SEMA3D: variants seen among roughly 807,000 people sequenced by gnomAD.
SEMA3D encodes the protein semaphorin 3D, also known as semaphorin-3D.
A neutral mutation model predicts 100.1 loss-of-function variants in SEMA3D; 84 were observed. The ratio of observed to expected loss-of-function variants is 0.84; its 90% CI spans 0.70 to 1.01. SEMA3D has a LOEUF of 1.01. Ranked by LOEUF, SEMA3D falls within the 50% of genes least tolerant of loss-of-function variation. The pLI is 0.00. For missense variants in SEMA3D, 875 were observed against 934.1 expected (o/e 0.94, Z 0.82); for synonymous variants, 312 against 320.7 (o/e 0.97, Z 0.29).
the SEMA3D span, among the ~76,000 whole-genome samples, chr7:85,220,817 A>C: frequency 1.3e-5 from 2 of 152,144 alleles, no homozygotes; most frequent in South Asian, 4.1e-4. Flanking sequence ...ATCCAAACAG[A>C]GTTATCTCTT....
the SEMA3D span, among the ~76,000 whole-genome samples, chr7:85,205,984 C>T: frequency 6.6e-6 from 1 of 152,100 alleles, no homozygotes; most frequent in African/African-American, 2.4e-5. Context: ...CCTGCTGTGA[C>T]ATTCTGACCT....
intron 1 of SEMA3D, among the ~76,000 whole-genome samples, chr7:85,186,262 G>A (rs1038948888): frequency 6.6e-6 from 1 of 152,174 alleles, no homozygotes; most frequent in Non-Finnish European, 1.5e-5. Flanking sequence ...TGCAGCCTGC[G>A]GAAGCCGGGG....
chr7:85,227,113 C>T, the SEMA3D span, among the ~76,000 whole-genome samples: 1 of 151,996 alleles, frequency 6.6e-6, no homozygotes, highest in Non-Finnish European at 1.5e-5. Flanking sequence ...ATATTTTTTG[C>T]TGAATAGTAT....
rs10251889 is a variant in SEMA3D, at chr7:85,063,115, T to C, written c.718+2309A>G. ...TCCCGATATGATTTAATTTTATCCT[T>C]ATAACGCCCTGTGAATAGATTCTAT... On this transcript the variant is annotated intron_variant, in intron 8 of 18. Coordinates refer to ENST00000284136, the MANE Select transcript of SEMA3D (RefSeq NM_001384900.1). Among the ~76,000 whole-genome samples the C allele has an allele frequency of 2.6e-3, 402 of 152,298 alleles. 3 individuals carry two copies. The highest frequency in any genetic ancestry group is 9.2e-3 in the African/African-American group (383 of 41,566).
At chr7:85,234,919 A>G in the SEMA3D span, among the ~76,000 whole-genome samples, 1 of 152,194 alleles carries the variant, frequency 6.6e-6, no homozygotes, top group Admixed American at 6.5e-5. Flanking sequence ...GGCTTTCTCA[A>G]CCAGGGCTGG....
At chr7:85,043,950 C>T (rs1016703857) in intron 9 of SEMA3D, among the ~76,000 whole-genome samples, 4 of 152,068 alleles carry the variant, frequency 2.6e-5, no homozygotes, top group Admixed American at 2.6e-4. Context: ...CACCTGTGAA[C>T]ACTGAATAAG....
chr7:85,023,952 G>A (rs1790323364), intron 12 of SEMA3D, among the ~76,000 whole-genome samples: 2 of 151,820 alleles, frequency 1.3e-5, no homozygotes, highest in South Asian at 4.1e-4. Flanking sequence ...TTAGTTATTT[G>A]TCCCAGGTCT....
At chr7:85,040,075 T>A (rs1394107129) in intron 11 of SEMA3D, among the ~76,000 whole-genome samples, 2 of 150,768 alleles carry the variant, frequency 1.3e-5, no homozygotes, top group East Asian at 3.9e-4. Context: ...CTTCCAGGCT[T>A]AAACAATCCT....
the SEMA3D span, among the ~76,000 whole-genome samples, chr7:85,231,664 A>G: frequency 7.2e-5 from 11 of 151,904 alleles, no homozygotes; most frequent in South Asian, 2.1e-4. Context: ...GTTAGCCAGG[A>G]TGGTCTCGAT....
At chr7:85,225,462 C>A in the SEMA3D span, among the ~76,000 whole-genome samples, 3 of 151,708 alleles carry the variant, frequency 2.0e-5, no homozygotes, top group Admixed American at 2.0e-4. Flanking sequence ...ATGAGGAGGT[C>A]TTCCAGGTGG....
upstream of SEMA3D, among the ~76,000 whole-genome samples, chr7:85,188,113 A>C (rs1294430411): frequency 6.6e-6 from 1 of 152,244 alleles, no homozygotes; most frequent in Non-Finnish European, 1.5e-5. Context: ...GAACAGACAA[A>C]TGCAGTAATG....
intron 12 of SEMA3D, among the ~76,000 whole-genome samples, chr7:85,023,210 C>T (rs1430987055): frequency 2.0e-5 from 3 of 151,890 alleles, no homozygotes; most frequent in Non-Finnish European, 2.9e-5. Flanking sequence ...ATACTTCTTT[C>T]TAAAATTGCC....
the SEMA3D span, among the ~76,000 whole-genome samples, chr7:85,197,826 C>T: frequency 6.6e-6 from 1 of 152,080 alleles, no homozygotes; most frequent in African/African-American, 2.4e-5. Flanking sequence ...ATGTTCATGG[C>T]AACACTCTCT....
At chr7:85,234,904 G>A in the SEMA3D span, among the ~76,000 whole-genome samples, 1 of 152,184 alleles carries the variant, frequency 6.6e-6, no homozygotes, top group Non-Finnish European at 1.5e-5. Flanking sequence ...ATATGTCTAA[G>A]CACAGGCTTT....
the SEMA3D span, among the ~76,000 whole-genome samples, chr7:85,220,207 G>T: frequency 6.6e-6 from 1 of 151,806 alleles, no homozygotes; most frequent in African/African-American, 2.4e-5. Flanking sequence ...ATGTGTTGTC[G>T]CTGTGTCTCT....
At chr7:85,171,849 C>T (rs534319227) in intron 1 of SEMA3D, among the ~76,000 whole-genome samples, 2 of 151,692 alleles carry the variant, frequency 1.3e-5, no homozygotes, top group Non-Finnish European at 2.9e-5. Flanking sequence ...TGACTTGACT[C>T]AGTTTTAGTC....
intron 4 of SEMA3D, 59 bp from the exon 5 acceptor site, chr7:85,081,638 C>A: frequency 9.1e-7 from 1 of 1,100,636 alleles, no homozygotes; most frequent in Non-Finnish European, 1.4e-6. Flanking sequence ...TAACACTCTG[C>A]AATTCTGCTC....
At chr7:85,117,160 G>C (rs2116387387) in intron 3 of SEMA3D, among the ~76,000 whole-genome samples, 1 of 152,236 alleles carries the variant, frequency 6.6e-6, no homozygotes, top group South Asian at 2.1e-4. Flanking sequence ...ATACGCACTT[G>C]AGGCCCTGAG....
chr7:85,249,512 C>A, the SEMA3D span, among the ~76,000 whole-genome samples: 2 of 152,158 alleles, frequency 1.3e-5, no homozygotes, highest in Non-Finnish European at 2.9e-5. Flanking sequence ...TATTGACATA[C>A]AACTCGAACA....
Sources: gnomAD v4.1 joint callset for allele counts (sites outside exome capture counted in the v4.1 genomes callset) on GRCh38, gnomAD v4.1.1 for gene constraint, MANE v1.5 for transcripts, NCBI Gene and HGNC (gene_info 2026-07-23, HGNC 2026-07-21) for gene names.